RNLS: variants seen among roughly 807,000 people sequenced by gnomAD.
RNLS encodes the protein renalase, FAD dependent amine oxidase.
In RNLS, 39 loss-of-function variants were observed where a neutral mutation model predicts 39.8. The ratio of observed to expected loss-of-function variants is 0.98; its 90% CI spans 0.76 to 1.28. The LOEUF is 1.28. Ranked by LOEUF, RNLS falls within the 50% of genes most tolerant of loss-of-function variation. RNLS has a pLI of 0.00. For synonymous variants in RNLS, 147 were observed against 150.7 expected, an observed-to-expected ratio of 0.98 and a Z score of 0.18; for missense variants, 410 against 413.3, an observed-to-expected ratio of 0.99 and a Z score of 0.07.
At chr10:88,557,011 A>T (rs1216186593) in intron 4 of RNLS, among the ~76,000 whole-genome samples, 1 of 152,114 alleles carries the variant, frequency 6.6e-6, no homozygotes, top group Non-Finnish European at 1.5e-5. Context: ...GGGTGTCTAG[A>T]ACAGTGTCTA....
the RNLS span, among the ~76,000 whole-genome samples, chr10:88,237,794 T>G: frequency 6.6e-6 from 1 of 152,202 alleles, no homozygotes; most frequent in Non-Finnish European, 1.5e-5. Context: ...AAGAACCATG[T>G]TGGATCCCAA....
the RNLS span, among the ~76,000 whole-genome samples, chr10:88,260,867 CT>C: frequency 6.6e-6 from 1 of 152,210 alleles, no homozygotes; most frequent in Middle Eastern, 3.2e-3. Context: ...CTTGAAATGA[CT>C]TTTAAAAATC....
intron 4 of RNLS, among the ~76,000 whole-genome samples, chr10:88,382,444 GA>G (rs778877622): frequency 1.1e-4 from 16 of 152,018 alleles, no homozygotes; most frequent in Admixed American, 2.6e-4. Flanking sequence ...CATCACAGTA[GA>G]ATTTTTTCAC....
At chr10:88,211,608 A>G in the RNLS span, among the ~76,000 whole-genome samples, 2 of 152,164 alleles carry the variant, frequency 1.3e-5, no homozygotes, top group African/African-American at 4.8e-5. Flanking sequence ...ACGGGATAAC[A>G]TGTGTGAAGC....
chr10:88,227,328 C>G, the RNLS span, among the ~76,000 whole-genome samples: 1 of 152,218 alleles, frequency 6.6e-6, no homozygotes, highest in South Asian at 2.1e-4. Flanking sequence ...CAATATCAAG[C>G]TGATGAAATG....
chr10:88,259,961 C>G, the RNLS span, among the ~76,000 whole-genome samples: 2 of 152,172 alleles, frequency 1.3e-5, no homozygotes, highest in African/African-American at 4.8e-5. Context: ...AGGATGGTCT[C>G]GATTTCTTGA....
intron 4 of RNLS, among the ~76,000 whole-genome samples, chr10:88,468,031 C>CGG (rs1843312043): frequency 7.2e-5 from 11 of 152,140 alleles, no homozygotes; most frequent in Non-Finnish European, 1.2e-4. Context: ...ATCTGCTTAA[C>CGG]ATTCCTTGAA....
At chr10:88,292,495 A>G (rs951153843) in intron 6 of RNLS, among the ~76,000 whole-genome samples, 1 of 151,820 alleles carries the variant, frequency 6.6e-6, no homozygotes. Flanking sequence ...ATTACTTCAA[A>G]ATATAAATGA....
At chr10:88,468,931 TAA>T (rs1843360047) in intron 4 of RNLS, among the ~76,000 whole-genome samples, 1 of 152,202 alleles carries the variant, frequency 6.6e-6, no homozygotes, top group Non-Finnish European at 1.5e-5. Flanking sequence ...TTTGAGTTGT[TAA>T]ATAAAGTATG....
the RNLS span, among the ~76,000 whole-genome samples, chr10:88,262,548 T>C: frequency 6.6e-6 from 1 of 152,182 alleles, no homozygotes; most frequent in African/African-American, 2.4e-5. Flanking sequence ...TCTGATTGGC[T>C]ACTAGTTTTC....
chr10:88,539,868 T>A (rs1321772594), intron 4 of RNLS, among the ~76,000 whole-genome samples: 1 of 152,108 alleles, frequency 6.6e-6, no homozygotes, highest in Non-Finnish European at 1.5e-5. Context: ...AATTTTTCAA[T>A]ATTCACCTTT....
chr10:88,375,475 A>AAAT, intron 4 of RNLS, among the ~76,000 whole-genome samples: 1 of 152,184 alleles, frequency 6.6e-6, no homozygotes, highest in East Asian at 1.9e-4. Flanking sequence ...TCATTTGTGC[A>AAAT]AATGGTAGTA....
chr10:88,557,819 T>C (rs1848955322), intron 4 of RNLS, among the ~76,000 whole-genome samples: 1 of 152,208 alleles, frequency 6.6e-6, no homozygotes, highest in African/African-American at 2.4e-5. Context: ...TGGGGAAAAG[T>C]TTAATTCAAT....
At chr10:88,464,863 A>T (rs893429661) in intron 4 of RNLS, among the ~76,000 whole-genome samples, 2 of 152,116 alleles carry the variant, frequency 1.3e-5, no homozygotes, top group African/African-American at 4.8e-5. Flanking sequence ...CAATCCCCTG[A>T]TACAAAATCA....
At chr10:88,184,163 G>C in the RNLS span, among the ~76,000 whole-genome samples, 1 of 152,070 alleles carries the variant, frequency 6.6e-6, no homozygotes, top group South Asian at 2.1e-4. Context: ...GACACTTTCT[G>C]TGTGAGCCTA....
intron 6 of RNLS, among the ~76,000 whole-genome samples, chr10:88,292,656 C>T (rs968454431): frequency 1.3e-5 from 2 of 151,410 alleles, no homozygotes; most frequent in Non-Finnish European, 2.9e-5. Flanking sequence ...TCCTGCAGGT[C>T]ATTTTAATAA....
Position 88,321,487 on chromosome 10 carries a change from T to C in RNLS, c.701-6846A>G, listed in dbSNP as rs528148613. On this transcript the variant is annotated intron_variant, in intron 5 of 6. Transcript: ENST00000331772. ...TGACATAAAATTGTGACCAACAAAA[T>C]ATACTAAAGATCAACGAAATGAAAA... 1.4e-4 allele frequency among the ~76,000 whole-genome samples: 21 copies of C among 151,912 alleles called. 1 individual carries two copies. The South Asian group carries it at 4.2e-3, about 30-fold the overall frequency.
chr10:88,362,603 T>C lies in RNLS; in HGVS notation c.649A>G (p.Ser217Gly), dbSNP rs151245420. The C allele has an allele frequency of 7.0e-5, 113 of 1,613,916 alleles. No individual in the cohort carries two copies. In the African/African-American group the frequency reaches 1.4e-3, roughly 20 times the overall value. Residue 217 changes from serine (S) to glycine (G), a missense_variant, in exon 5 of 7, where the codon AGT (serine) becomes GGT (glycine). Coordinates refer to ENST00000331772, the MANE Select transcript of RNLS (RefSeq NM_001031709.3). Reference sequence around the variant, plus strand: ...GAGACGAAGCGTATGCAGGGATTACTGGTGATGTACTGCCCAGCCCAAGGG... The same window carrying C: ...GAGACGAAGCGTATGCAGGGATTACCGGTGATGTACTGCCCAGCCCAAGGG... ...DVPWAGQYIT[S>G]NPCIRFVSID...
rs565965149 is a variant in RNLS, at chr10:88,450,037, G to A, written c.527-87312C>T. On this transcript the variant is annotated intron_variant, in intron 4 of 6. Transcript: ENST00000331772. ...TTGTAAGAGCTGGGCCTTTTGGGAG[G>A]AAAAAAAAAAAAGATCTGTAAGTTG... 7.9e-4 allele frequency among the ~76,000 whole-genome samples: 111 copies of A among 141,108 alleles called. 1 individual carries two copies. The highest frequency in any genetic ancestry group is 7.7e-3 in the South Asian group (34 of 4,434). 92.6% of individuals were successfully genotyped at this position (141,108 alleles called of 152,430 possible).
Sources: allele counts gnomAD v4.1 joint callset (sites outside exome capture counted in the v4.1 genomes callset), GRCh38; gene constraint gnomAD v4.1.1; transcripts MANE v1.5; gene names NCBI Gene and HGNC (gene_info 2026-07-23, HGNC 2026-07-21).